The following PVT1 variants were observed in gnomAD, a reference collection of about 807,000 sequenced individuals.
PVT1 encodes CXCR4/PVT1 fusion.
At chr8:127,907,861 A>AG (rs750231389) in intron 3 of PVT1, among the ~76,000 whole-genome samples, 120 of 151,928 alleles carry the variant, frequency 7.9e-4, no homozygotes, top group Middle Eastern at 3.4e-3. Flanking sequence ...TTGGGATGGG[A>AG]GGGGGGTAGC....
At chr8:127,794,751 T>TC in intron 1 of PVT1, 1 of 153,414 alleles carries the variant, frequency 6.5e-6, no homozygotes, top group East Asian at 1.9e-4. Flanking sequence ...TCCAATTTTG[T>TC]CCCCTGCGTT....
intron 4 of PVT1, among the ~76,000 whole-genome samples, chr8:127,997,446 C>T (rs905948306): frequency 1.3e-5 from 2 of 152,102 alleles, no homozygotes. Context: ...CCTGCCAATC[C>T]ATTTTTCAGG....
chr8:128,055,966 G>T (rs1813757624), intron 4 of PVT1, among the ~76,000 whole-genome samples: 1 of 152,200 alleles, frequency 6.6e-6, no homozygotes, highest in African/African-American at 2.4e-5. Flanking sequence ...CAATATGCAT[G>T]TACAGAAATG....
At chr8:127,841,926 G>T (rs548475330) in intron 2 of PVT1, among the ~76,000 whole-genome samples, 1 of 151,784 alleles carries the variant, frequency 6.6e-6, no homozygotes. Context: ...GGGTTTCACC[G>T]TGTTGGCCAG....
intron 4 of PVT1, among the ~76,000 whole-genome samples, chr8:128,066,038 T>A (rs779016215): frequency 1.3e-4 from 20 of 152,214 alleles, no homozygotes; most frequent in Non-Finnish European, 2.8e-4. Context: ...TGACAATTAC[T>A]ATGAAGAAAA....
chr8:128,100,559 C>G (rs1814491478), intron 6 of PVT1, among the ~76,000 whole-genome samples: 1 of 152,194 alleles, frequency 6.6e-6, no homozygotes, highest in Non-Finnish European at 1.5e-5. Context: ...GAAAGATGTT[C>G]TGACAAAGGC....
intron 4 of PVT1, among the ~76,000 whole-genome samples, chr8:128,036,051 C>T (rs1296847460): frequency 1.3e-5 from 2 of 152,150 alleles, no homozygotes; most frequent in African/African-American, 2.4e-5. Context: ...TACAATGTGT[C>T]CTTGCAGTAT....
chr8:127,871,264 G>A (rs1341451402), intron 2 of PVT1, among the ~76,000 whole-genome samples: 1 of 152,256 alleles, frequency 6.6e-6, no homozygotes. Context: ...CCTGGAGTTA[G>A]CACATACAAC....
chr8:127,876,482 T>A (rs996285020), intron 2 of PVT1, among the ~76,000 whole-genome samples: 2 of 152,110 alleles, frequency 1.3e-5, no homozygotes, highest in Admixed American at 6.5e-5. Context: ...TTTAATACAG[T>A]GAATTTGTAT....
intron 4 of PVT1, among the ~76,000 whole-genome samples, chr8:128,057,798 A>G (rs1813779601): frequency 6.6e-6 from 1 of 152,206 alleles, no homozygotes; most frequent in East Asian, 1.9e-4. Context: ...TGCCATTTGC[A>G]GAACACTTCC....
chr8:127,828,749 T>C (rs1814818906), intron 2 of PVT1, among the ~76,000 whole-genome samples: 1 of 152,080 alleles, frequency 6.6e-6, no homozygotes, highest in African/African-American at 2.4e-5. Context: ...CCCAGACTCA[T>C]CCTTCCATGT....
intron 2 of PVT1, among the ~76,000 whole-genome samples, chr8:127,830,760 G>A (rs1563616418): frequency 1.3e-5 from 2 of 152,096 alleles, no homozygotes; most frequent in Admixed American, 6.5e-5. Flanking sequence ...GAGTCAGTGG[G>A]CTGGGGAAGG....
At chr8:127,812,073 C>T (rs1189554775) in intron 2 of PVT1, among the ~76,000 whole-genome samples, 1 of 150,552 alleles carries the variant, frequency 6.6e-6, no homozygotes, top group African/African-American at 2.5e-5. Flanking sequence ...TGCACCACTG[C>T]ACTCCAGCCT....
chr8:127,891,598 T>C (rs1485479860), intron 3 of PVT1, among the ~76,000 whole-genome samples: 1 of 152,212 alleles, frequency 6.6e-6, no homozygotes, highest in Admixed American at 6.5e-5. Flanking sequence ...AGGACTGGAA[T>C]TGAAGATCGC....
intron 2 of PVT1, among the ~76,000 whole-genome samples, chr8:127,882,161 C>T (rs1285674113): frequency 6.6e-6 from 1 of 152,198 alleles, no homozygotes; most frequent in Non-Finnish European, 1.5e-5. Flanking sequence ...GGCTCCCATC[C>T]CCCCTCCCCT....
intron 2 of PVT1, among the ~76,000 whole-genome samples, chr8:127,867,923 A>G (rs1050775561): frequency 1.3e-5 from 2 of 152,188 alleles, no homozygotes; most frequent in African/African-American, 4.8e-5. Context: ...CATCTCAACT[A>G]TTATCAAAGG....
At chr8:127,802,949 T>C (rs80145390) in intron 2 of PVT1, among the ~76,000 whole-genome samples, 16,082 of 151,618 alleles carry the variant, frequency 0.11, 1,857 homozygotes, top group African/African-American at 0.29. Context: ...GTCTGGGTCT[T>C]GGTGACAGCA....
At chr8:128,036,403 T>C (rs1346720091) in intron 4 of PVT1, among the ~76,000 whole-genome samples, 1 of 152,188 alleles carries the variant, frequency 6.6e-6, no homozygotes, top group Non-Finnish European at 1.5e-5. Context: ...AGGAAGGCAC[T>C]GGATGCTGGA....
chr8:127,801,360 GC>G (rs1814463587), intron 2 of PVT1, among the ~76,000 whole-genome samples: 1 of 152,142 alleles, frequency 6.6e-6, no homozygotes, highest in African/African-American at 2.4e-5. Context: ...TTACACCTCA[GC>G]CTCCTGAGTA....
Sources: gnomAD v4.1 joint callset for allele counts (sites outside exome capture counted in the v4.1 genomes callset) on GRCh38, gnomAD v4.1.1 for gene constraint, MANE v1.5 for transcripts, NCBI Gene and HGNC (gene_info 2026-07-23, HGNC 2026-07-21) for gene names.